BCOR: variants seen among roughly 807,000 people sequenced by gnomAD.
BCOR encodes the protein BCL6 corepressor, also known as BCL-6 corepressor.
BCOR carries 10 observed loss-of-function variants against 86.7 expected under a neutral mutation model. The observed-to-expected ratio is 0.12, with a 90% confidence interval of 0.07 to 0.20. The LOEUF (loss-of-function observed/expected upper bound fraction) is 0.20. BCOR is among the 10% of genes least tolerant of loss of function. The pLI, the probability that BCOR is intolerant of heterozygous loss-of-function variation, is 1.00. For missense variants in BCOR, 1,259 were observed against 1,452.1 expected (o/e 0.87, Z 2.16); for synonymous variants, 611 against 609.0 (o/e 1.00, Z -0.05).
At chrX:40,136,983 A>G (rs1431326244) in intron 1 of BCOR, among the ~76,000 whole-genome samples, 2 of 111,740 alleles carry the variant, frequency 1.8e-5, no homozygotes, top group Non-Finnish European at 3.8e-5. Flanking sequence ...GCCATCCAAT[A>G]TAACCAAGAC....
At chrX:40,112,927 C>T (rs965565101) in intron 1 of BCOR, among the ~76,000 whole-genome samples, 1 of 107,941 alleles carries the variant, frequency 9.3e-6, no homozygotes, top group Admixed American at 1.0e-4. Flanking sequence ...AAGCAGAATC[C>T]TAGGGGGCCA....
chrX:40,083,794 G>A (rs1348497213), intron 1 of BCOR, among the ~76,000 whole-genome samples: 1 of 112,179 alleles, frequency 8.9e-6, no homozygotes, highest in African/African-American at 3.2e-5. Context: ...AGGCCTTCCA[G>A]GAACTCCAGC....
chrX:40,054,502 T>C (rs1316737867), intron 12 of BCOR, among the ~76,000 whole-genome samples, 169 bp from the exon 13 acceptor site: 2 of 106,464 alleles, frequency 1.9e-5, no homozygotes, highest in African/African-American at 6.9e-5. Flanking sequence ...TGTATCTCTT[T>C]TTTTTTTTTT....
chrX:40,081,806 T>C (rs1308238011), intron 1 of BCOR, among the ~76,000 whole-genome samples: 1 of 112,235 alleles, frequency 8.9e-6, no homozygotes, highest in African/African-American at 3.2e-5. Context: ...GAAAGACAGC[T>C]GAGAAGAGGT....
At position 40,057,207 on chromosome X, in the gene BCOR, G is replaced by A. The variant is rs1392134952; in HGVS notation, c.4543C>T (p.His1515Tyr). ...ACATCAGCGCCATATTCAAGGAGGT[G>A]TCGCACAATGTTGAGCCAGCCCCTA... ...CARGWLNIVR[H>Y]LLEYGADVNC... The change falls in exon 11 of 15, where the codon CAC becomes TAC. Residue 1515 changes from histidine (H) to tyrosine (Y), a missense_variant. This residue lies in a region of BCOR where 47 missense variants were observed against 102.1 expected (regional missense o/e 0.46). Coordinates refer to ENST00000378444, the MANE Select transcript of BCOR (RefSeq NM_001123385.2). The A allele has an allele frequency of 8.3e-7, 1 of 1,212,022 alleles. No homozygotes were observed. The highest frequency in any genetic ancestry group is 1.8e-5 in the South Asian group (1 of 57,010).
At chrX:40,126,214 C>CAA (rs753237058) in intron 1 of BCOR, among the ~76,000 whole-genome samples, 8 of 35,110 alleles carry the variant, frequency 2.3e-4, no homozygotes, top group African/African-American at 4.4e-4. Context: ...GACTCCGTCT[C>CAA]AAAAAAAAAA....
At chrX:40,142,532 C>T (rs958846606) in intron 1 of BCOR, among the ~76,000 whole-genome samples, 22 of 111,921 alleles carry the variant, frequency 2.0e-4, no homozygotes, top group African/African-American at 5.2e-4. Flanking sequence ...AGTCCTTGGA[C>T]TCTTGACACA....
intron 1 of BCOR, among the ~76,000 whole-genome samples, chrX:40,081,891 A>C (rs142931439): frequency 8.9e-6 from 1 of 112,505 alleles, no homozygotes; most frequent in African/African-American, 3.2e-5. Flanking sequence ...ACCCAGGGCC[A>C]AGTGGAGAGA....
chrX:40,055,626 T>G (rs1934554191), intron 11 of BCOR, 113 bp from the exon 12 acceptor site: 4 of 861,703 alleles, frequency 4.6e-6, no homozygotes, highest in African/African-American at 2.0e-5. Context: ...CCTTGGGTAC[T>G]GAGCCTCCTA....
intron 1 of BCOR, among the ~76,000 whole-genome samples, chrX:40,176,363 G>A (rs1938752556): frequency 8.9e-6 from 1 of 112,756 alleles, no homozygotes; most frequent in Non-Finnish European, 1.9e-5. Flanking sequence ...CGGCCTCACG[G>A]ATCCCCTCCC....
At chrX:40,068,260 G>C (rs781163977) in intron 6 of BCOR, 79 of 112,100 alleles carry the variant, frequency 7.0e-4, no homozygotes, top group African/African-American at 2.4e-3. Flanking sequence ...GATGGCAGAG[G>C]ACTGAGATTT....
chrX:40,131,386 G>A (rs1381069498), intron 1 of BCOR, among the ~76,000 whole-genome samples: 1 of 112,606 alleles, frequency 8.9e-6, no homozygotes, highest in Non-Finnish European at 1.9e-5. Context: ...GCCAGGCGCA[G>A]TGGCTCACGC....
intron 1 of BCOR, among the ~76,000 whole-genome samples, chrX:40,152,468 C>T (rs1938187779): frequency 8.9e-6 from 1 of 112,480 alleles, no homozygotes. Flanking sequence ...TCTGAGCTGG[C>T]AGCCAGCGGG....
chrX:40,062,990 C>T lies in BCOR; in HGVS notation c.3929G>A (p.Ser1310Asn). The stretch of plus-strand genomic sequence containing the variant: ...AGGCGGCCTGGAGGCTGGTGCGCAG[C>T]TTGGCTGAGCCTGCTTTTTGCCGCC... ...SAGGKKQAQP[S>N]CAPASRPPAK... is the part of the protein sequence containing the mutation. The change falls in exon 9 of 15, where the codon AGC becomes AAC. Residue 1310 changes from serine to asparagine, a missense_variant. Ser to Asn is a conservative substitution (Grantham distance 46, BLOSUM62 1). Transcript: ENST00000378444. 1 of 1,178,936 alleles carries T rather than the reference C, an allele frequency of 8.5e-7. No homozygotes were observed. Among genetic ancestry groups the T allele is most frequent in the Non-Finnish European group, 1.1e-6 (1 of 878,813 alleles).
chrX:40,072,336 T>TG lies in BCOR; in HGVS notation c.2997+12dup, dbSNP rs754727631. On this transcript the variant is annotated intron_variant, in intron 4 of 14. Coordinates refer to ENST00000378444, the MANE Select transcript of BCOR (RefSeq NM_001123385.2). The stretch of plus-strand genomic sequence containing the variant: ...ACTGGTAAAGTAACTGAAATTCAGG[T>TG]GGGGGGGCTCACCTGCAATGCCCGT... 78 of 1,202,707 alleles carry TG rather than the reference T, an allele frequency of 6.5e-5. No individual in the cohort carries two copies. In the Admixed American group the frequency reaches 7.0e-4, roughly 11 times the overall value.
chrX:40,054,040 G>T lies in BCOR; in HGVS notation c.4822C>A (p.Pro1608Thr), dbSNP rs763713052. The change falls in exon 14 of 15, where the codon CCA becomes ACA. Residue 1608 changes from proline to threonine, a missense_variant and splice_region_variant. Transcript: ENST00000378444. ...ACATCATAGCCACTTTCATCATCTG[G>T]TTCTAATGGAGGGCAAATAAGAGAG... ...WDFYGSSVCE[P>T]DDESGYDVLA... 66 of 1,210,725 alleles carry T rather than the reference G, an allele frequency of 5.5e-5. No individual in the cohort carries two copies. The highest frequency in any genetic ancestry group is 6.9e-5 in the Non-Finnish European group (62 of 894,854).
intron 1 of BCOR, among the ~76,000 whole-genome samples, chrX:40,106,657 C>CAG (rs1937193555): frequency 8.9e-6 from 1 of 112,799 alleles, no homozygotes; most frequent in Non-Finnish European, 1.9e-5. Flanking sequence ...ACGCTAGCAG[C>CAG]CGCTTCTCCG....
intron 6 of BCOR, among the ~76,000 whole-genome samples, chrX:40,067,495 T>C (rs1779352391): frequency 8.9e-6 from 1 of 112,148 alleles, no homozygotes; most frequent in African/African-American, 3.2e-5. Flanking sequence ...CAGGGCCCCC[T>C]TCTGCCTCCT....
chrX:40,093,957 G>A, intron 1 of BCOR, among the ~76,000 whole-genome samples: 1 of 111,222 alleles, frequency 9.0e-6, no homozygotes, highest in East Asian at 2.8e-4. Flanking sequence ...TCTAGCAGCT[G>A]CGTTTGGTTT....
Sources: allele counts gnomAD v4.1 joint callset (sites outside exome capture counted in the v4.1 genomes callset), GRCh38; gene constraint gnomAD v4.1.1; regional missense constraint gnomAD v4.1.1; transcripts MANE v1.5; gene names NCBI Gene and HGNC (gene_info 2026-07-23, HGNC 2026-07-21).